GLB1: variants seen among roughly 807,000 people sequenced by gnomAD.
The protein encoded by GLB1 is galactosidase beta 1.
GLB1 carries 56 observed loss-of-function variants against 74.0 expected under a neutral mutation model. That is an observed-to-expected ratio of 0.76 (90% CI 0.61 to 0.94). The LOEUF is 0.94. GLB1 is among the 40% of genes least tolerant of loss of function. The probability of loss-of-function intolerance (pLI) is 0.00; values close to 1 mark genes in which losing one functional copy is unlikely to be tolerated. For synonymous variants in GLB1, 323 were observed against 323.6 expected (o/e 1.00, Z 0.02); for missense variants, 787 against 845.5 (o/e 0.93, Z 0.86).
At chr3:32,978,123 T>A in the GLB1 span, among the ~76,000 whole-genome samples, 1 of 152,196 alleles carries the variant, frequency 6.6e-6, no homozygotes, top group Non-Finnish European at 1.5e-5. Flanking sequence ...AGGTAAAGTA[T>A]GAAGAACAGG....
Position 33,093,197 on chromosome 3 carries a change from C to T in GLB1, c.75+3814G>A. The T allele has an allele frequency of 6.2e-7, 1 of 1,613,978 alleles. No individual in the cohort carries two copies. The highest frequency in any genetic ancestry group is 8.5e-7 in the Non-Finnish European group (1 of 1,179,956). On this transcript the variant is annotated intron_variant, in intron 1 of 15. Coordinates refer to ENST00000307363, the MANE Select transcript of GLB1 (RefSeq NM_000404.4). The surrounding 1 kb of genome is among the most constrained non-coding windows in gnomAD (Gnocchi z 6.0). ...GGATGTCTGCTTCAATATCGTCCAC[C>T]CCAGCCAAGCAGATCCAGTCCTCAT...
At chr3:32,998,001 C>T (rs1337610807) in intron 15 of GLB1, among the ~76,000 whole-genome samples, 1 of 152,178 alleles carries the variant, frequency 6.6e-6, no homozygotes, top group Non-Finnish European at 1.5e-5. Flanking sequence ...TATATTACTG[C>T]TATGTTCTAA....
chr3:32,971,642 C>A, the GLB1 span, among the ~76,000 whole-genome samples: 1 of 152,196 alleles, frequency 6.6e-6, no homozygotes, highest in Non-Finnish European at 1.5e-5. Context: ...TACTATATCG[C>A]CTGATGGGGA....
chr3:33,093,998 G>C lies in GLB1; in HGVS notation c.75+3013C>G. On this transcript the variant is annotated intron_variant, in intron 1 of 15. Transcript: ENST00000307363. The surrounding 1 kb of genome is among the most constrained non-coding windows in gnomAD (Gnocchi z 6.0). ...GGGAGTGGCAGAGGTTGCTCACTGT[G>C]CTGCGCCAAATGTAGAGGGAGCCAA... 1 of 1,614,216 alleles carries C rather than the reference G, an allele frequency of 6.2e-7. No individual in the cohort carries two copies. Among genetic ancestry groups the C allele is most frequent in the Non-Finnish European group, 8.5e-7 (1 of 1,180,028 alleles).
chr3:33,066,420 C>G (rs1318189510), intron 4 of GLB1, among the ~76,000 whole-genome samples: 1 of 152,180 alleles, frequency 6.6e-6, no homozygotes, highest in East Asian at 1.9e-4. Flanking sequence ...GCCCCCTCAC[C>G]ATGTGATGCC....
chr3:33,077,188 G>C (rs1289100358), intron 1 of GLB1: 1 of 1,487,102 alleles, frequency 6.7e-7, no homozygotes, highest in South Asian at 1.2e-5. Context: ...CGGCAGCTGA[G>C]ACTTAGGCGC....
At chr3:32,962,465 T>G in the GLB1 span, among the ~76,000 whole-genome samples, 3 of 152,108 alleles carry the variant, frequency 2.0e-5, no homozygotes, top group Non-Finnish European at 4.4e-5. Context: ...TTTTTGGAAA[T>G]CTAAAACTGT....
intron 15 of GLB1, among the ~76,000 whole-genome samples, chr3:33,008,853 T>C (rs142978671): frequency 0.13 from 20,115 of 152,108 alleles, 1,385 homozygotes; most frequent in South Asian, 0.16. Flanking sequence ...GGCGCAGTGG[T>C]TCACGCCTGT....
chr3:33,068,945 G>C lies in GLB1; in HGVS notation c.271C>G (p.Pro91Ala). ...QTYVPWNFHE[P>A]WPGQYQFSED... The stretch of plus-strand genomic sequence containing the variant: ...GAAAACTGGTACTGTCCTGGCCAGG[G>C]CTCATGAAAGTTCCAGGGCACATAC... The change falls in exon 3 of 16, where the codon CCC becomes GCC. Residue 91 changes from proline (P) to alanine (A), a missense_variant. Physicochemically the swap from Pro to Ala is conservative, Grantham distance 27. Coordinates refer to ENST00000307363, the MANE Select transcript of GLB1 (RefSeq NM_000404.4). The C allele has an allele frequency of 6.2e-7, 1 of 1,614,156 alleles. No homozygotes were observed. Among genetic ancestry groups the C allele is most frequent in the South Asian group, 1.1e-5 (1 of 91,074 alleles).
intron 1 of GLB1, among the ~76,000 whole-genome samples, chr3:33,082,522 A>G (rs368694706): frequency 2.2e-4 from 34 of 152,330 alleles, no homozygotes; most frequent in East Asian, 1.2e-3. Context: ...AGCCTCTGCC[A>G]GAAAAAACAG....
chr3:32,988,369 G>A, the GLB1 span, among the ~76,000 whole-genome samples: 2 of 152,162 alleles, frequency 1.3e-5, no homozygotes, highest in African/African-American at 4.8e-5. Flanking sequence ...TGTTGTTGAA[G>A]TGTCCTGCTC....
intron 14 of GLB1, among the ~76,000 whole-genome samples, chr3:33,015,296 C>T (rs931008234): frequency 1.7e-4 from 26 of 152,258 alleles, no homozygotes; most frequent in African/African-American, 6.0e-4. Context: ...ACAGGGAGGA[C>T]CACACCCGAG....
intron 1 of GLB1, chr3:33,092,857 GCT>G (rs1388441015): frequency 6.2e-7 from 1 of 1,609,660 alleles, no homozygotes; most frequent in Non-Finnish European, 8.5e-7. Context: ...TGCAGGATGA[GCT>G]CTGTGATCTC....
At chr3:33,083,047 C>A (rs1287249091) in intron 1 of GLB1, among the ~76,000 whole-genome samples, 4 of 152,230 alleles carry the variant, frequency 2.6e-5, no homozygotes, top group South Asian at 4.1e-4. Flanking sequence ...AAAAAAAGAC[C>A]CAGCTTCCTT....
intron 10 of GLB1, among the ~76,000 whole-genome samples, chr3:33,027,289 G>C (rs1697809795): frequency 6.6e-6 from 1 of 152,392 alleles, no homozygotes; most frequent in African/African-American, 2.4e-5. Flanking sequence ...AGCAGCAGCA[G>C]CCAGCGTGTC....
chr3:33,010,970 C>A (rs1575407150), intron 15 of GLB1, among the ~76,000 whole-genome samples: 1 of 152,276 alleles, frequency 6.6e-6, no homozygotes, highest in East Asian at 1.9e-4. Flanking sequence ...GATTCTCCCA[C>A]CTCAGTCTCC....
chr3:33,005,890 T>G (rs1445120331), intron 15 of GLB1, among the ~76,000 whole-genome samples: 4 of 152,346 alleles, frequency 2.6e-5, no homozygotes, highest in African/African-American at 9.6e-5. Flanking sequence ...TTATTTTACA[T>G]CTTGAAGGTG....
At position 32,996,679 on chromosome 3, in the gene GLB1, A is replaced by C. The variant is rs991031729; in HGVS notation, c.*366T>G. 29 of 316,356 alleles carry C rather than the reference A, an allele frequency of 9.2e-5. No individual in the cohort carries two copies. Among genetic ancestry groups the C allele is most frequent in the Non-Finnish European group, 1.5e-4 (24 of 164,042 alleles). The allele number at this position is 316,356 out of a possible 1,614,324, so 19.6% of individuals were successfully genotyped here. A position where few individuals can be genotyped will look rare whatever the true frequency, so the allele number is the denominator to read the frequency against. On this transcript the variant is annotated 3_prime_UTR_variant, in exon 16 of 16. Coordinates refer to ENST00000307363, the MANE Select transcript of GLB1 (RefSeq NM_000404.4). ...GCCCACTCAAGTCTAGTTATGATTT[A>C]AGTCAGACCATATAATTCAATACCT...
rs1036513158 is a variant in GLB1 at position 33,034,479 on chromosome 3, ACTGGGTTTGAGATGTGGC to A, written c.1069-10172_1069-10155del. The A allele has an allele frequency of 4.1e-6, 3 of 731,690 alleles. No homozygotes were observed. In the African/African-American group the frequency reaches 5.2e-5, roughly 13 times the overall value. 45.3% of individuals were successfully genotyped at this position (731,690 alleles called of 1,614,324 possible). A position where few individuals can be genotyped will look rare whatever the true frequency, so the allele number is the denominator to read the frequency against. On this transcript the variant is annotated intron_variant, in intron 10 of 15. Coordinates refer to ENST00000307363, the MANE Select transcript of GLB1 (RefSeq NM_000404.4). ...GAGAGCAGAAGCTGGAAGCACAGTG[ACTGGGTTTGAGATGTGGC>A]CTGGGCCCCCTCCATCAGCCTGCCC...
Sources: allele counts gnomAD v4.1 joint callset (sites outside exome capture counted in the v4.1 genomes callset), GRCh38; gene constraint gnomAD v4.1.1; non-coding constraint Gnocchi (gnomAD v3.1); transcripts MANE v1.5; gene names NCBI Gene and HGNC (gene_info 2026-07-23, HGNC 2026-07-21).